VPS35L: variants seen among roughly 807,000 people sequenced by gnomAD.
VPS35L encodes VPS35 endosomal protein sorting factor like.
VPS35L carries 83 observed loss-of-function variants against 133.0 expected under a neutral mutation model. That is an observed-to-expected ratio of 0.62 (90% CI 0.52 to 0.75). VPS35L has a LOEUF of 0.75. Among genes scored for constraint, VPS35L ranks in the 30% least tolerant of loss-of-function variants. VPS35L has a pLI of 0.00. For missense variants in VPS35L, 1,083 were observed against 1,206.8 expected (o/e 0.90, Z 1.52); for synonymous variants, 423 against 449.9 (o/e 0.94, Z 0.76).
At chr16:19,629,668 C>T (rs1287356897) in intron 17 of VPS35L, 99 bp from the exon 18 acceptor site, 8 of 974,944 alleles carry the variant, frequency 8.2e-6, no homozygotes, top group African/African-American at 3.3e-5. Flanking sequence ...AGGAAATTCC[C>T]GTTTCCAACC....
At position 19,647,633 on chromosome 16, in the gene VPS35L, T is replaced by C. The variant is rs541301283; in HGVS notation, c.1930-151T>C. 10 of 633,716 alleles carry C rather than the reference T, an allele frequency of 1.6e-5. No homozygotes were observed. In the South Asian group the frequency reaches 2.0e-4, roughly 13 times the overall value. The allele number at this position is 633,716 out of a possible 1,614,324, so 39.3% of individuals were successfully genotyped here. The stretch of plus-strand genomic sequence containing the variant: ...GAAAATTCTGCTTACACTCTGAGCT[T>C]CTGTTTTATACCCTTCGACTTCTTA... On this transcript the variant is annotated intron_variant, in intron 23 of 30. Transcript: ENST00000417362.
intron 15 of VPS35L, among the ~76,000 whole-genome samples, chr16:19,626,629 G>T (rs1973271071): frequency 6.6e-6 from 1 of 152,062 alleles, no homozygotes; most frequent in Non-Finnish European, 1.5e-5. Flanking sequence ...GGGCTTGGTG[G>T]TGTATGCCTG....
In VPS35L at chr16:19,661,066, T is replaced by TTATA. The variant is rs67155417; in HGVS notation, c.2222-8078_2222-8075dup. Among the ~76,000 whole-genome samples the TTATA allele has an allele frequency of 9.3e-4, 138 of 148,480 alleles. 1 individual carries two copies. The highest frequency in any genetic ancestry group is 6.5e-3 in the South Asian group (30 of 4,640). ...CTTCACTCTCCATTTATCTATATTC[T>TTATA]TATATATATATATATATATGTAGTT... On this transcript the variant is annotated intron_variant, in intron 26 of 30. Coordinates refer to ENST00000417362, the MANE Select transcript of VPS35L (RefSeq NM_020314.7).
At chr16:19,652,194 A>G (rs549627140) in intron 26 of VPS35L, 104 bp downstream of exon 26, 2 of 850,318 alleles carry the variant, frequency 2.4e-6, no homozygotes, top group Non-Finnish European at 3.8e-6. Context: ...TTCTTTTTTT[A>G]GAGACAGAGT....
chr16:19,633,788 A>T lies in VPS35L; in HGVS notation c.1635+616A>T, dbSNP rs1201905596. ...AGTCTTGCTCTGTTGCCCAGGCTGG[A>T]GTGCAGTGGTGCGATCTTGGCTCAT... On this transcript the variant is annotated intron_variant, in intron 19 of 30. Coordinates refer to ENST00000417362, the MANE Select transcript of VPS35L (RefSeq NM_020314.7). This position sits in a 1 kb window ranked among gnomAD's most constrained non-coding sequence, Gnocchi z 4.1. 6.6e-6 allele frequency among the ~76,000 whole-genome samples: 1 copy of T among 152,006 alleles called. No homozygotes were observed. Among genetic ancestry groups the T allele is most frequent in the East Asian group, 1.9e-4 (1 of 5,160 alleles).
At chr16:19,679,413 A>ATTTT (rs36127728) in intron 27 of VPS35L, among the ~76,000 whole-genome samples, 1 of 136,580 alleles carries the variant, frequency 7.3e-6, no homozygotes, top group African/African-American at 2.7e-5. Flanking sequence ...CACGTGGCTA[A>ATTTT]TTTTTTTTTT....
At position 19,581,512 on chromosome 16, in the gene VPS35L, C is replaced by G. The variant is rs1320899419; in HGVS notation, c.511-13C>G. On this transcript the variant is annotated splice_polypyrimidine_tract_variant and intron_variant, in intron 6 of 30. Coordinates refer to ENST00000417362, the MANE Select transcript of VPS35L (RefSeq NM_020314.7). ...TTCCTGCTATGCCTTCACCTTCTGC[C>G]TTCTCCCCACAGGGTTCCCAAAAGG... is the stretch of plus-strand genomic sequence containing the variant. 2.5e-6 allele frequency: 4 copies of G among 1,571,284 alleles called. No individual in the cohort carries two copies. Among genetic ancestry groups the G allele is most frequent in the Non-Finnish European group, 3.5e-6 (4 of 1,156,118 alleles).
chr16:19,662,504 C>CAGATT (rs1974521731), intron 26 of VPS35L, among the ~76,000 whole-genome samples: 2 of 152,162 alleles, frequency 1.3e-5, no homozygotes, highest in African/African-American at 4.8e-5. Flanking sequence ...GCAAAGTTCG[C>CAGATT]ATTTATTTAG....
Position 19,625,863 on chromosome 16 carries a change from G to A in VPS35L, c.1225-314G>A, listed in dbSNP as rs113123505. 4.2e-3 allele frequency among the ~76,000 whole-genome samples: 638 copies of A among 152,178 alleles called. 4 individuals are homozygous for A. The highest frequency in any genetic ancestry group is 0.015 in the African/African-American group (605 of 41,508). On this transcript the variant is annotated intron_variant, in intron 14 of 30. Transcript: ENST00000417362. ...TAATTTTTGTATTTTTAGTGGAGACGGGGTTTTACCATGTTGGCCAGACTA... is the reference window on the plus strand; with the variant it reads ...TAATTTTTGTATTTTTAGTGGAGACAGGGTTTTACCATGTTGGCCAGACTA...
intron 1 of VPS35L, among the ~76,000 whole-genome samples, chr16:19,560,299 A>G (rs1016951215): frequency 6.6e-6 from 1 of 152,238 alleles, no homozygotes; most frequent in African/African-American, 2.4e-5. Flanking sequence ...CAGTAAGTGC[A>G]TAATAAATGA....
At chr16:19,606,014 A>G (rs1008986052) in intron 9 of VPS35L, among the ~76,000 whole-genome samples, 1 of 152,246 alleles carries the variant, frequency 6.6e-6, no homozygotes, top group Non-Finnish European at 1.5e-5. Flanking sequence ...AAGATTTTAA[A>G]GTCCCACGTA....
chr16:19,670,134 G>A (rs1452673139), intron 27 of VPS35L, among the ~76,000 whole-genome samples: 1 of 152,214 alleles, frequency 6.6e-6, no homozygotes, highest in Non-Finnish European at 1.5e-5. Context: ...ATGTCCTCAT[G>A]TGACAGAAAG....
intron 14 of VPS35L, chr16:19,617,173 T>G: frequency 1.9e-6 from 1 of 538,522 alleles, no homozygotes; most frequent in Admixed American, 3.5e-5. Context: ...TTTGGCAACA[T>G]AGCAAAACTC....
At chr16:19,556,962 TA>T (rs1970879228) in intron 1 of VPS35L, among the ~76,000 whole-genome samples, 1 of 151,942 alleles carries the variant, frequency 6.6e-6, no homozygotes, top group Non-Finnish European at 1.5e-5. Flanking sequence ...TAATCTCTAC[TA>T]AAAATACAAA....
At chr16:19,700,061 C>T (rs1567501126) in intron 30 of VPS35L, among the ~76,000 whole-genome samples, 1 of 152,322 alleles carries the variant, frequency 6.6e-6, no homozygotes, top group East Asian at 1.9e-4. Context: ...CACACCGCTG[C>T]ACTCCAGCCT....
At position 19,691,481 on chromosome 16, in the gene VPS35L, C is replaced by G; in HGVS notation, c.2646+10C>G. 2 of 1,595,280 alleles carry G rather than the reference C, an allele frequency of 1.3e-6. No homozygotes were observed. The highest frequency in any genetic ancestry group is 1.7e-6 in the Non-Finnish European group (2 of 1,162,956). ...CCTGGCCAAGGACGAGGTGGGTGCCCTCTGCTGTCCTCCACCCGCCCCTTG... is the reference window on the plus strand; with the variant it reads ...CCTGGCCAAGGACGAGGTGGGTGCCGTCTGCTGTCCTCCACCCGCCCCTTG... On this transcript the variant is annotated intron_variant, in intron 29 of 30. Transcript: ENST00000417362.
At chr16:19,599,324 C>T (rs1351586766) in intron 8 of VPS35L, among the ~76,000 whole-genome samples, 1 of 152,188 alleles carries the variant, frequency 6.6e-6, no homozygotes, top group Non-Finnish European at 1.5e-5. Flanking sequence ...GTCCCAGGTG[C>T]TTGGAGTCTG....
intron 5 of VPS35L, chr16:19,578,352 C>T (rs981403875): frequency 2.3e-5 from 10 of 428,152 alleles, no homozygotes; most frequent in African/African-American, 1.3e-4. Flanking sequence ...CCAGCGTGGA[C>T]GACAGAGTAA....
intron 6 of VPS35L, 200 bp downstream of exon 6, chr16:19,579,328 T>C: frequency 1.9e-6 from 1 of 532,902 alleles, no homozygotes. Context: ...TGGGGCTGCT[T>C]TTCTAGAGGC....
Sources: allele counts gnomAD v4.1 joint callset (sites outside exome capture counted in the v4.1 genomes callset), GRCh38; gene constraint gnomAD v4.1.1; non-coding constraint Gnocchi (gnomAD v3.1); transcripts MANE v1.5; gene names NCBI Gene and HGNC (gene_info 2026-07-23, HGNC 2026-07-21).